Variants in GPR146 observed in about 807,000 individuals in gnomAD.
The protein encoded by GPR146 is G protein-coupled receptor 146.
For missense variants in GPR146, 381 were observed against 213.9 expected (o/e 1.78, Z -4.87); for synonymous variants, 203 against 104.3 (o/e 1.95, Z -5.77).
chr7:1,047,737 T>A (rs1294554515), intron 1 of GPR146, among the ~76,000 whole-genome samples: 2 of 152,214 alleles, frequency 1.3e-5, no homozygotes, highest in Non-Finnish European at 2.9e-5. Flanking sequence ...GCCTGGGGCC[T>A]CGCAGTTCTC....
chr7:1,055,303 G>T (rs1011876078), intron 1 of GPR146: 17 of 471,094 alleles, frequency 3.6e-5, no homozygotes, highest in Non-Finnish European at 6.2e-5. Flanking sequence ...GCATCCTGGG[G>T]CCCTCACACG....
intron 1 of GPR146, among the ~76,000 whole-genome samples, chr7:1,053,411 G>A (rs547902866): frequency 6.6e-6 from 1 of 152,314 alleles, no homozygotes; most frequent in East Asian, 1.9e-4. Flanking sequence ...GGTTGGCTGT[G>A]AGGGTCGGGC....
chr7:1,045,892 C>T (rs1445148649), intron 1 of GPR146: 1 of 152,284 alleles, frequency 6.6e-6, no homozygotes, highest in Non-Finnish European at 1.5e-5. Context: ...CATCCTGCCT[C>T]TCTAGCCAGC....
intron 1 of GPR146, among the ~76,000 whole-genome samples, chr7:1,054,476 C>T (rs1005512068): frequency 6.6e-5 from 10 of 152,256 alleles, no homozygotes; most frequent in Non-Finnish European, 1.3e-4. Context: ...GGTGACAGCA[C>T]GCACTCGAGA....
At chr7:1,053,544 C>G (rs1023252445) in intron 1 of GPR146, among the ~76,000 whole-genome samples, 3 of 152,204 alleles carry the variant, frequency 2.0e-5, no homozygotes, top group Non-Finnish European at 4.4e-5. Flanking sequence ...AAATGTACAC[C>G]TCGCTGGGCA....
chr7:1,053,864 A>G (rs1783437570), intron 1 of GPR146, among the ~76,000 whole-genome samples: 1 of 152,162 alleles, frequency 6.6e-6, no homozygotes, highest in African/African-American at 2.4e-5. Context: ...CATACACTTC[A>G]TGCTCACTTC....
chr7:1,051,599 T>C (rs550629155), intron 1 of GPR146, among the ~76,000 whole-genome samples: 1 of 152,268 alleles, frequency 6.6e-6, no homozygotes, highest in East Asian at 1.9e-4. Flanking sequence ...TGGTCAGATA[T>C]CTCCCGCATG....
At chr7:1,054,406 C>A (rs1428972292) in intron 1 of GPR146, among the ~76,000 whole-genome samples, 1 of 152,242 alleles carries the variant, frequency 6.6e-6, no homozygotes, top group African/African-American at 2.4e-5. Flanking sequence ...CAAAAATGCA[C>A]ACAGGAGAAC....
At chr7:1,046,710 G>C (rs1337820274) in intron 1 of GPR146, among the ~76,000 whole-genome samples, 1 of 149,452 alleles carries the variant, frequency 6.7e-6, no homozygotes, top group Non-Finnish European at 1.5e-5. Context: ...AGAGGGACAA[G>C]GTGGAGGTGG....
rs115325055 is a variant in GPR146 at position 1,055,191 on chromosome 7, G to A, written c.-24-2301G>A. On this transcript the variant is annotated intron_variant, in intron 1 of 1. Transcript: ENST00000444847. Reference sequence around the variant, plus strand: ...CGGTCCCGTCCAAGCACGGCCCCTCGTTTCTGGAACCCGGCTGTAAACAGC... The same window carrying A: ...CGGTCCCGTCCAAGCACGGCCCCTCATTTCTGGAACCCGGCTGTAAACAGC... 549 of 467,826 alleles carry A rather than the reference G, an allele frequency of 1.2e-3. 1 individual carries two copies. The highest frequency in any genetic ancestry group is 9.8e-3 in the African/African-American group (493 of 50,082). The allele number at this position is 467,826 out of a possible 1,614,324, so 29.0% of individuals were successfully genotyped here. A position where few individuals can be genotyped will look rare whatever the true frequency, so the allele number is the denominator to read the frequency against.
In GPR146 at chr7:1,052,535, G is replaced by A. The variant is rs1181056707; in HGVS notation, c.-24-4957G>A. Among the ~76,000 whole-genome samples the A allele has an allele frequency of 6.6e-6, 1 of 152,152 alleles. No homozygotes were observed. The highest frequency in any genetic ancestry group is 1.9e-4 in the East Asian group (1 of 5,182). On this transcript the variant is annotated intron_variant, in intron 1 of 1. Coordinates refer to ENST00000444847, the MANE Select transcript of GPR146 (RefSeq NM_001303473.2). This position sits in a 1 kb window ranked among gnomAD's most constrained non-coding sequence, Gnocchi z 4.2. ...GGAGCAGGGCCTGGCGGAAGAAGTG[G>A]GGGAGCCAGGAAGGAGCAGCTGCCA...
At chr7:1,053,476 T>G (rs532810795) in intron 1 of GPR146, among the ~76,000 whole-genome samples, 6 of 152,320 alleles carry the variant, frequency 3.9e-5, no homozygotes, top group Non-Finnish European at 8.8e-5. Context: ...CTCACATGAC[T>G]CGCCAGGCCC....
In GPR146 at chr7:1,058,608, G is replaced by A. The variant is rs902223037; in HGVS notation, c.*91G>A. The A allele has an allele frequency of 4.7e-6, 3 of 639,566 alleles. No individual in the cohort carries two copies. The highest frequency in any genetic ancestry group is 3.7e-5 in the South Asian group (2 of 53,900). 39.6% of individuals were successfully genotyped at this position (639,566 alleles called of 1,614,324 possible). A position where few individuals can be genotyped will look rare whatever the true frequency, so the allele number is the denominator to read the frequency against. ...TCCCCACATCCTTCCAGAAGGAGAC[G>A]AGCTGCTGGAAGAGAAGCAGGAGGG... On this transcript the variant is annotated 3_prime_UTR_variant, in exon 2 of 2. Transcript: ENST00000444847.
chr7:1,049,337 G>A (rs1330398008), intron 1 of GPR146, among the ~76,000 whole-genome samples: 1 of 152,240 alleles, frequency 6.6e-6, no homozygotes. Context: ...TGGTAACAGG[G>A]AGCAAGTGCC....
intron 1 of GPR146, among the ~76,000 whole-genome samples, chr7:1,047,787 T>A (rs952844942): frequency 6.6e-6 from 1 of 152,180 alleles, no homozygotes; most frequent in African/African-American, 2.4e-5. Flanking sequence ...TCAACAACTG[T>A]CCGGGGACAA....
In GPR146 at chr7:1,058,457, G is replaced by A. The variant is rs555653791; in HGVS notation, c.942G>A (p.Leu314=). The A allele has an allele frequency of 3.8e-6, 3 of 780,520 alleles. No individual in the cohort carries two copies. The African/African-American group carries it at 5.1e-5, about 13-fold the overall frequency. The allele number at this position is 780,520 out of a possible 1,614,324, so 48.3% of individuals were successfully genotyped here. A position where few individuals can be genotyped will look rare whatever the true frequency, so the allele number is the denominator to read the frequency against. ...PSKLQRLMKK[L]PCGDRHCSPD... ...AGCTCCAACGGCTGATGAAAAAGCT[G>A]CCCTGCGGGGACCGGCACTGCTCCC... The change falls in exon 2 of 2, where the codon CTG becomes CTA. Residue 314 remains leucine, a synonymous_variant. Coordinates refer to ENST00000444847, the MANE Select transcript of GPR146 (RefSeq NM_001303473.2).
intron 1 of GPR146, among the ~76,000 whole-genome samples, chr7:1,047,735 C>A (rs893082578): frequency 2.2e-4 from 33 of 152,222 alleles, no homozygotes; most frequent in African/African-American, 7.5e-4. Context: ...GTGCCTGGGG[C>A]CTCGCAGTTC....
chr7:1,058,855 G>C lies in GPR146; in HGVS notation c.*338G>C, dbSNP rs894793250. The C allele has an allele frequency of 3.9e-6, 1 of 259,330 alleles. No individual in the cohort carries two copies. The highest frequency in any genetic ancestry group is 7.7e-5 in the East Asian group (1 of 12,928). 16.1% of individuals were successfully genotyped at this position (259,330 alleles called of 1,614,324 possible). Reference sequence around the variant, plus strand: ...TTAGAGCCAGTATTTATACTTTGTGGTTAAAATACTTGATTCCCCCTTGTT... The same window carrying C: ...TTAGAGCCAGTATTTATACTTTGTGCTTAAAATACTTGATTCCCCCTTGTT... On this transcript the variant is annotated 3_prime_UTR_variant, in exon 2 of 2. Transcript: ENST00000444847.
chr7:1,049,973 G>C (rs535082482), intron 1 of GPR146, among the ~76,000 whole-genome samples: 1 of 152,134 alleles, frequency 6.6e-6, no homozygotes, highest in Non-Finnish European at 1.5e-5. Context: ...AACAAGGAGA[G>C]CTGCCCCACA....
Sources: allele counts gnomAD v4.1 joint callset (sites outside exome capture counted in the v4.1 genomes callset), GRCh38; gene constraint gnomAD v4.1.1; non-coding constraint Gnocchi (gnomAD v3.1); transcripts MANE v1.5; gene names NCBI Gene and HGNC (gene_info 2026-07-23, HGNC 2026-07-21).